The following CYP19A1 variants were observed in gnomAD, a reference collection of about 807,000 sequenced individuals.
The protein encoded by CYP19A1 is cytochrome P450 family 19 subfamily A member 1, also known as aromatase.
A neutral mutation model predicts 44.4 loss-of-function variants in CYP19A1; 32 were observed. That is an observed-to-expected ratio of 0.72 (90% CI 0.54 to 0.97). The LOEUF is 0.97. Ranked by LOEUF, CYP19A1 falls within the 50% of genes least tolerant of loss-of-function variation. CYP19A1 has a pLI of 0.00. For synonymous variants in CYP19A1, 212 were observed against 215.6 expected (o/e 0.98, Z 0.14); for missense variants, 598 against 637.8 (o/e 0.94, Z 0.67).
chr15:51,222,063 G>A (rs564101220), intron 5 of CYP19A1: 114 of 572,248 alleles, frequency 2.0e-4, no homozygotes, highest in Non-Finnish European at 2.9e-4. Context: ...ATAACCAAAC[G>A]AACTAATCAC....
chr15:51,317,762 A>T (rs1361039691), intron 1 of CYP19A1, among the ~76,000 whole-genome samples: 1 of 152,234 alleles, frequency 6.6e-6, no homozygotes, highest in Non-Finnish European at 1.5e-5. Flanking sequence ...GACAGAGCAG[A>T]TAATCTTGTT....
chr15:51,278,428 C>T (rs2035403526), intron 1 of CYP19A1, among the ~76,000 whole-genome samples: 1 of 152,164 alleles, frequency 6.6e-6, no homozygotes, highest in Non-Finnish European at 1.5e-5. Context: ...AACTTTGGCT[C>T]CTCGTAGGGG....
At chr15:51,211,190 T>G (rs1337628683) in intron 9 of CYP19A1, 134 bp from the exon 10 acceptor site, 1 of 700,444 alleles carries the variant, frequency 1.4e-6, no homozygotes, top group Non-Finnish European at 2.6e-6. Flanking sequence ...CTCCATCCCC[T>G]CAGATGAACA....
chr15:51,240,005 A>G (rs1374254456), intron 2 of CYP19A1, among the ~76,000 whole-genome samples: 1 of 152,076 alleles, frequency 6.6e-6, no homozygotes, highest in African/African-American at 2.4e-5. Context: ...GTCCTGACCC[A>G]GATCAGTGGT....
rs116016545 is a variant in CYP19A1 at position 51,279,313 on chromosome 15, G to A, written c.-38-36363C>T. Among the ~76,000 whole-genome samples, 468 of 152,304 alleles carry A rather than the reference G, an allele frequency of 3.1e-3. 2 individuals are homozygous for A. Among genetic ancestry groups the A allele is most frequent in the African/African-American group, 0.011 (442 of 41,558 alleles). ...GGCATCCTGGAATGAACCCCACTGC[G>A]CAGGAGAGGCAAGGTGAGGCCTGGG... On this transcript the variant is annotated intron_variant, in intron 1 of 9. Coordinates refer to ENST00000396402, the MANE Select transcript of CYP19A1 (RefSeq NM_000103.4).
Position 51,327,576 on chromosome 15 carries a change from G to T in CYP19A1, c.-39+10919C>A, listed in dbSNP as rs983598874. Among the ~76,000 whole-genome samples the T allele has an allele frequency of 4.6e-5, 7 of 151,854 alleles. No homozygotes were observed. The South Asian group carries it at 8.4e-4, about 18-fold the overall frequency. On this transcript the variant is annotated intron_variant, in intron 1 of 9. Transcript: ENST00000396402. ...AGCTCACTGCAACCTCTGCCTCCGGGGTTCAAGCGATTCTCAAGGATCCAG... is the reference window on the plus strand; with the variant it reads ...AGCTCACTGCAACCTCTGCCTCCGGTGTTCAAGCGATTCTCAAGGATCCAG...
At chr15:51,253,166 T>G (rs1243007271) in intron 1 of CYP19A1, among the ~76,000 whole-genome samples, 4 of 152,002 alleles carry the variant, frequency 2.6e-5, no homozygotes, top group Non-Finnish European at 5.9e-5. Flanking sequence ...ATGGGGGAAA[T>G]AGTGGTATTT....
In CYP19A1 at chr15:51,304,890, CTTTT is replaced by C. The variant is rs545247348; in HGVS notation, c.-39+33601_-39+33604del. ...ATCCCTCAGGTAATTGTGTCTCTTC[CTTTT>C]TTTTTTTTTTTTTTTTTTTTTTGAG... On this transcript the variant is annotated intron_variant, in intron 1 of 9. Coordinates refer to ENST00000396402, the MANE Select transcript of CYP19A1 (RefSeq NM_000103.4). Among the ~76,000 whole-genome samples the C allele has an allele frequency of 3.7e-3, 392 of 104,534 alleles. 1 individual carries two copies. The highest frequency in any genetic ancestry group is 0.018 in the African/African-American group (376 of 20,832). 68.6% of individuals were successfully genotyped at this position (104,534 alleles called of 152,430 possible).
intron 1 of CYP19A1, among the ~76,000 whole-genome samples, chr15:51,311,644 T>C (rs2036312822): frequency 6.6e-6 from 1 of 152,196 alleles, no homozygotes; most frequent in South Asian, 2.1e-4. Flanking sequence ...TCTAACAGGA[T>C]AAATGTAAAC....
intron 1 of CYP19A1, among the ~76,000 whole-genome samples, chr15:51,303,791 C>T (rs1016802870): frequency 9.9e-5 from 15 of 152,188 alleles, no homozygotes; most frequent in African/African-American, 3.1e-4. Context: ...GAAGGAACAC[C>T]TGACAACCAA....
intron 9 of CYP19A1, 88 bp downstream of exon 9, chr15:51,212,232 T>C: frequency 1.1e-6 from 1 of 943,078 alleles, no homozygotes; most frequent in Middle Eastern, 2.1e-4. Context: ...AAATGAAGTA[T>C]TTATGGTGCA....
chr15:51,277,293 C>T (rs536218438), intron 1 of CYP19A1: 7 of 152,202 alleles, frequency 4.6e-5, no homozygotes, highest in Admixed American at 1.3e-4. Context: ...TTTATAATTA[C>T]GCAATCTTTA....
At chr15:51,320,043 A>T (rs2470149) in intron 1 of CYP19A1, among the ~76,000 whole-genome samples, 7,422 of 152,332 alleles carry the variant, frequency 0.049, 226 homozygotes, top group Non-Finnish European at 0.066. Flanking sequence ...TAGGAGATAG[A>T]TATCATCCCC....
In CYP19A1 at chr15:51,218,571, G is replaced by T; in HGVS notation, c.713C>A (p.Ser238Tyr). 1 of 1,613,630 alleles carries T rather than the reference G, an allele frequency of 6.2e-7. No individual in the cohort carries two copies. The highest frequency in any genetic ancestry group is 8.5e-7 in the Non-Finnish European group (1 of 1,179,796). The change falls in exon 6 of 10, where the codon TCT becomes TAT. Residue 238 changes from serine to tyrosine, a missense_variant. Coordinates refer to ENST00000396402, the MANE Select transcript of CYP19A1 (RefSeq NM_000103.4). ...LIKPDIFFKI[S>Y]WLYKKYEKSV... Reference sequence around the variant, plus strand: ...CTTCTCATACTTTTTGTATAGCCAAGAAATCTTAAAGAAGATGTCTGGTTT... The same window carrying T: ...CTTCTCATACTTTTTGTATAGCCAATAAATCTTAAAGAAGATGTCTGGTTT...
At chr15:51,337,381 C>T (rs189064014) in intron 1 of CYP19A1, among the ~76,000 whole-genome samples, 1 of 152,326 alleles carries the variant, frequency 6.6e-6, no homozygotes, top group Admixed American at 6.5e-5. Flanking sequence ...AATACCAACC[C>T]GTGTTGAACA....
intron 1 of CYP19A1, among the ~76,000 whole-genome samples, chr15:51,306,568 C>G (rs544944463): frequency 6.6e-6 from 1 of 152,260 alleles, no homozygotes; most frequent in East Asian, 1.9e-4. Context: ...CTTGCACCAT[C>G]TCAAGGGCCC....
At chr15:51,252,752 A>G (rs898314745) in intron 1 of CYP19A1, among the ~76,000 whole-genome samples, 1 of 151,200 alleles carries the variant, frequency 6.6e-6, no homozygotes, top group African/African-American at 2.5e-5. Context: ...CACCTCCAAC[A>G]CTGAGTAAAT....
chr15:51,290,543 A>G (rs1402347618), intron 1 of CYP19A1, among the ~76,000 whole-genome samples: 2 of 152,174 alleles, frequency 1.3e-5, no homozygotes, highest in Non-Finnish European at 2.9e-5. Context: ...GAAAATTCCA[A>G]TTGGCCAGGT....
At chr15:51,265,566 G>A (rs1261393074) in intron 1 of CYP19A1, among the ~76,000 whole-genome samples, 1 of 152,122 alleles carries the variant, frequency 6.6e-6, no homozygotes. Flanking sequence ...AGATTTCCCA[G>A]TCCTGACTGC....
Sources: allele counts gnomAD v4.1 joint callset (sites outside exome capture counted in the v4.1 genomes callset), GRCh38; gene constraint gnomAD v4.1.1; transcripts MANE v1.5; gene names NCBI Gene and HGNC (gene_info 2026-07-23, HGNC 2026-07-21).